Variants in ATP2A2 observed in about 807,000 individuals in gnomAD.
ATP2A2 encodes the protein sarcoplasmic/endoplasmic reticulum calcium ATPase 2.
In ATP2A2, 14 loss-of-function variants were observed where a neutral mutation model predicts 109.3. That is an observed-to-expected ratio of 0.13 (90% confidence interval 0.08 to 0.20). The LOEUF (loss-of-function observed/expected upper bound fraction) is 0.20, where lower values mean the gene tolerates loss of function less well. ATP2A2 is among the 10% of genes least tolerant of loss of function. The probability of loss-of-function intolerance (pLI) is 1.00; values close to 1 mark genes in which losing one functional copy is unlikely to be tolerated. For synonymous variants in ATP2A2, 506 were observed against 490.9 expected, an observed-to-expected ratio of 1.03 and a Z score of -0.41; for missense variants, 657 against 1,321.6, an observed-to-expected ratio of 0.50 and a Z score of 7.80.
intron 16 of ATP2A2, among the ~76,000 whole-genome samples, chr12:110,343,952 T>C (rs964216779): frequency 5.9e-5 from 9 of 152,138 alleles, no homozygotes; most frequent in Non-Finnish European, 1.5e-5. Flanking sequence ...TAGGAAGGCA[T>C]TGTGTTTTCA....
At chr12:110,343,128 G>C (rs1879512559) in intron 15 of ATP2A2, 104 bp from the exon 16 acceptor site, 1 of 1,174,368 alleles carries the variant, frequency 8.5e-7, no homozygotes, top group South Asian at 1.3e-5. Context: ...ACCTGAAGTT[G>C]TTGTCATTTA....
chr12:110,345,122 G>C, intron 17 of ATP2A2, 127 bp from the exon 18 acceptor site: 2 of 1,530,884 alleles, frequency 1.3e-6, no homozygotes, highest in South Asian at 2.2e-5. Flanking sequence ...GCTTCTCCGA[G>C]AAATTGGGGT....
rs367609427 is a variant in ATP2A2 at position 110,340,000 on chromosome 12, A to T, written c.1761+279A>T. The stretch of plus-strand genomic sequence containing the variant: ...TAAACCCCATTTTGCCTCTCATCTA[A>T]ATCATGATTTTTTTTAAATTGGTGA... On this transcript the variant is annotated intron_variant, in intron 13 of 19. Transcript: ENST00000539276. This position sits in a 1 kb window ranked among gnomAD's most constrained non-coding sequence, Gnocchi z 4.4. Among the ~76,000 whole-genome samples the T allele has an allele frequency of 6.5e-4, 99 of 152,306 alleles. 1 individual carries two copies. In the South Asian group the frequency reaches 0.02, roughly 31 times the overall value.
rs1879826135 is a variant in ATP2A2 at position 110,346,076 on chromosome 12, C to T, written c.2817C>T (p.Ser939=). The change falls in exon 19 of 20, where the codon TCC becomes TCT. Residue 939 remains serine (S), a synonymous_variant. Transcript: ENST00000539276. ...GGCTCGTGGGCTCCATCTGCCTGTC[C>T]ATGTCACTCCACTTCCTGATCCTCT... ...NIWLVGSICL[S]MSLHFLILYV... is the part of the protein sequence containing the mutation. 1 of 1,614,082 alleles carries T rather than the reference C, an allele frequency of 6.2e-7. No individual in the cohort carries two copies. The highest frequency in any genetic ancestry group is 8.5e-7 in the Non-Finnish European group (1 of 1,180,050).
At chr12:110,336,616 T>C (rs1878865706) in intron 11 of ATP2A2, among the ~76,000 whole-genome samples, 1 of 152,222 alleles carries the variant, frequency 6.6e-6, no homozygotes, top group South Asian at 2.1e-4. Context: ...TTCCATGACC[T>C]GTATGGCGTG....
rs2137883277 is a variant in ATP2A2 at position 110,348,592 on chromosome 12, T to C, written c.*2122T>C. 3 of 985,228 alleles carry C rather than the reference T, an allele frequency of 3.0e-6. No homozygotes were observed. Among genetic ancestry groups the C allele is most frequent in the Non-Finnish European group, 3.6e-6 (3 of 829,948 alleles). 61.0% of individuals were successfully genotyped at this position (985,228 alleles called of 1,614,324 possible). A position where few individuals can be genotyped will look rare whatever the true frequency, so the allele number is the denominator to read the frequency against. ...CTTAAAAGCACAGTCCGTGGTTGGGTGTGGTGGCTCATGCCTGTAAGTAAG... is the reference window on the plus strand; with the variant it reads ...CTTAAAAGCACAGTCCGTGGTTGGGCGTGGTGGCTCATGCCTGTAAGTAAG... On this transcript the variant is annotated 3_prime_UTR_variant, in exon 20 of 20. Transcript: ENST00000539276.
rs1259985383 is a variant in ATP2A2, at chr12:110,281,901, T to C, written c.112T>C (p.Ser38Pro). 27 of 1,578,826 alleles carry C rather than the reference T, an allele frequency of 1.7e-5. No individual in the cohort carries two copies. The highest frequency in any genetic ancestry group is 2.3e-5 in the Non-Finnish European group (27 of 1,164,590). Reference sequence around the variant, plus strand: ...CAAGAAGCTTAAGGAGAGATGGGGCTCCAACGGTAGGTGCAGGGCGCTCCG... The same window carrying C: ...CAAGAAGCTTAAGGAGAGATGGGGCCCCAACGGTAGGTGCAGGGCGCTCCG... ...QVKKLKERWG[S>P]NELPAEEGKT... The change falls in exon 1 of 20, where the codon TCC becomes CCC. Residue 38 changes from serine to proline, a missense_variant. Ser to Pro is a moderately conservative substitution (Grantham distance 74). This residue lies in a region of ATP2A2 where 64 missense variants were observed against 65.4 expected (regional missense o/e 0.98). Transcript: ENST00000539276.
At chr12:110,314,597 A>G (rs1320623059) in intron 5 of ATP2A2, among the ~76,000 whole-genome samples, 3 of 152,180 alleles carry the variant, frequency 2.0e-5, no homozygotes, top group African/African-American at 7.2e-5. Context: ...TTGAACAAGT[A>G]CCTTTTAGTG....
chr12:110,349,506 C>G lies in ATP2A2; in HGVS notation c.*3036C>G, dbSNP rs1056889. 1 of 985,928 alleles carries G rather than the reference C, an allele frequency of 1.0e-6. No individual in the cohort carries two copies. 61.1% of individuals were successfully genotyped at this position (985,928 alleles called of 1,614,324 possible). On this transcript the variant is annotated 3_prime_UTR_variant, in exon 20 of 20. Transcript: ENST00000539276. The stretch of plus-strand genomic sequence containing the variant: ...CTCTGCAGAATGCAGATGATCCATT[C>G]TGGAGGAAGCTGTCCCTTGAGCTCA...
chr12:110,336,175 C>G (rs1447374408), intron 11 of ATP2A2, among the ~76,000 whole-genome samples: 1 of 152,158 alleles, frequency 6.6e-6, no homozygotes. Flanking sequence ...GGCTGCCAGT[C>G]AGTACTTTTG....
chr12:110,281,294 T>C lies in ATP2A2; in HGVS notation c.-496T>C, dbSNP rs1257579894. The C allele has an allele frequency of 6.6e-6, 1 of 151,526 alleles. No individual in the cohort carries two copies. The highest frequency in any genetic ancestry group is 1.5e-5 in the Non-Finnish European group (1 of 67,852). 9.4% of individuals were successfully genotyped at this position (151,526 alleles called of 1,614,324 possible). ...CGTCCCCGACGCCACCTCCTTTTCCTTCGCCGCAGTTTCCTCCGCCGCTGT... is the reference window on the plus strand; with the variant it reads ...CGTCCCCGACGCCACCTCCTTTTCCCTCGCCGCAGTTTCCTCCGCCGCTGT... On this transcript the variant is annotated 5_prime_UTR_variant, in exon 1 of 20. Transcript: ENST00000539276.
In ATP2A2 at chr12:110,332,495, AAG is replaced by A. The variant is rs1371993035; in HGVS notation, c.1096-99_1096-98del. On this transcript the variant is annotated intron_variant, in intron 8 of 19. Transcript: ENST00000539276. ...TTATTAAAGTTGTTTTCGTAAATGA[AAG>A]AGGTTGTTTGCCTTTGTCCTAAGCT... is the stretch of plus-strand genomic sequence containing the variant. The A allele has an allele frequency of 5.1e-6, 5 of 989,698 alleles. No homozygotes were observed. The African/African-American group carries it at 8.0e-5, about 16-fold the overall frequency. 61.3% of individuals were successfully genotyped at this position (989,698 alleles called of 1,614,324 possible).
intron 5 of ATP2A2, among the ~76,000 whole-genome samples, chr12:110,299,904 G>A (rs1163923939): frequency 6.6e-6 from 1 of 151,796 alleles, no homozygotes; most frequent in Non-Finnish European, 1.5e-5. Context: ...TTACAGGCAT[G>A]CGCCATCATG....
chr12:110,296,242 G>T, intron 4 of ATP2A2: 1 of 267,928 alleles, frequency 3.7e-6, no homozygotes, highest in South Asian at 4.4e-5. Context: ...AGCCTCCTGA[G>T]CCCAGACTAT....
At chr12:110,325,141 A>C (rs1258998929) in intron 6 of ATP2A2, among the ~76,000 whole-genome samples, 1 of 152,178 alleles carries the variant, frequency 6.6e-6, no homozygotes, top group Non-Finnish European at 1.5e-5. Flanking sequence ...AAGTTTAAAA[A>C]AAAATTTAAA....
At chr12:110,311,033 C>A (rs1875974765) in intron 5 of ATP2A2, among the ~76,000 whole-genome samples, 1 of 152,192 alleles carries the variant, frequency 6.6e-6, no homozygotes, top group Non-Finnish European at 1.5e-5. Context: ...AGTACTGTTT[C>A]AAGGAGCTTT....
At chr12:110,322,253 C>T (rs1027771537) in intron 5 of ATP2A2, among the ~76,000 whole-genome samples, 6 of 152,128 alleles carry the variant, frequency 3.9e-5, no homozygotes, top group African/African-American at 9.7e-5. Flanking sequence ...ACATGTTATA[C>T]GAGCATATCA....
intron 6 of ATP2A2, 137 bp downstream of exon 6, chr12:110,323,209 T>C: frequency 1.3e-6 from 1 of 755,540 alleles, no homozygotes; most frequent in Non-Finnish European, 2.3e-6. Context: ...CTTAGTGCTT[T>C]AGTCTCGCTC....
At chr12:110,341,025 C>T (rs758916472) in intron 14 of ATP2A2, 31 bp downstream of exon 14, 1 of 1,609,476 alleles carries the variant, frequency 6.2e-7, no homozygotes, top group Non-Finnish European at 8.5e-7. Flanking sequence ...ACAGGTGACT[C>T]AGGCTACACA....
Sources: gnomAD v4.1 joint callset for allele counts (sites outside exome capture counted in the v4.1 genomes callset) on GRCh38, gnomAD v4.1.1 for gene constraint, gnomAD v4.1.1 regional missense constraint, Gnocchi (gnomAD v3.1) non-coding constraint, MANE v1.5 for transcripts, NCBI Gene and HGNC (gene_info 2026-07-23, HGNC 2026-07-21) for gene names.